Variants in NDUFA5 observed in about 807,000 individuals in gnomAD.
NDUFA5 encodes NADH:ubiquinone oxidoreductase subunit A5.
In NDUFA5, 11 loss-of-function variants were observed where a neutral mutation model predicts 19.8. The observed-to-expected ratio is 0.56, with a 90% CI of 0.35 to 0.92. NDUFA5 has a LOEUF of 0.92. NDUFA5 is among the 40% of genes least tolerant of loss of function. The pLI, the probability that NDUFA5 is intolerant of heterozygous loss-of-function variation, is 0.01. For missense variants in NDUFA5, 109 were observed against 134.2 expected (o/e 0.81, Z 0.93); for synonymous variants, 47 against 46.8 (o/e 1.00, Z -0.01).
chr7:123,544,764 T>TAAAAAAAAAAA (rs61556029), intron 4 of NDUFA5, among the ~76,000 whole-genome samples: 4 of 61,818 alleles, frequency 6.5e-5, no homozygotes, highest in South Asian at 6.6e-4. Flanking sequence ...ATGCAAATCT[T>TAAAAAAAAAAA]AAAAAAAAAA....
intron 2 of NDUFA5, among the ~76,000 whole-genome samples, chr7:123,551,878 T>C (rs1798353382): frequency 6.6e-6 from 1 of 152,164 alleles, no homozygotes; most frequent in Non-Finnish European, 1.5e-5. Flanking sequence ...GATCTAAAAT[T>C]CAGGTTTTAA....
At chr7:123,557,951 T>TA (rs1259570713), upstream of NDUFA5, 12 of 1,306,790 alleles carry the variant, frequency 9.2e-6, no homozygotes, top group South Asian at 5.2e-5. Context: ...CCGCCCATCT[T>TA]AAAAGAGAAA....
intron 4 of NDUFA5, among the ~76,000 whole-genome samples, chr7:123,542,959 A>G (rs561147260): frequency 2.0e-5 from 3 of 152,220 alleles, no homozygotes; most frequent in Non-Finnish European, 4.4e-5. Context: ...TATAAGATGA[A>G]TACTATTAAA....
chr7:123,599,033 T>C, the NDUFA5 span: 1 of 152,232 alleles, frequency 6.6e-6, no homozygotes, highest in African/African-American at 2.4e-5. Flanking sequence ...TATGTTTTTA[T>C]ATTCTTTTCT....
In NDUFA5 at chr7:123,557,468, G is replaced by C; in HGVS notation, c.22-20C>G. On this transcript the variant is annotated intron_variant, in intron 1 of 4. Transcript: ENST00000355749. ...AGTGGTCTGTTCAAAAACAAAACACGATTCATGCTGTTTACTACGGTTTCC... is the reference window on the plus strand; with the variant it reads ...AGTGGTCTGTTCAAAAACAAAACACCATTCATGCTGTTTACTACGGTTTCC... The C allele has an allele frequency of 6.2e-7, 1 of 1,612,566 alleles. No homozygotes were observed. Among genetic ancestry groups the C allele is most frequent in the Non-Finnish European group, 8.5e-7 (1 of 1,179,204 alleles).
chr7:123,548,502 A>G (rs565800333), intron 3 of NDUFA5, among the ~76,000 whole-genome samples: 1 of 152,340 alleles, frequency 6.6e-6, no homozygotes, highest in Admixed American at 6.5e-5. Context: ...AAGAAAAAGT[A>G]AGAACTACCA....
At chr7:123,549,458 G>C (rs981428897) in intron 3 of NDUFA5, among the ~76,000 whole-genome samples, 2 of 152,110 alleles carry the variant, frequency 1.3e-5, no homozygotes, top group Non-Finnish European at 2.9e-5. Flanking sequence ...AAAAACATTT[G>C]AGGCTATTTG....
At chr7:123,572,050 A>C in the NDUFA5 span, among the ~76,000 whole-genome samples, 1,692 of 151,606 alleles carry the variant, frequency 0.011, 36 homozygotes, top group African/African-American at 0.038. Flanking sequence ...GGTTTCCCAA[A>C]GCACTGGGTT....
chr7:123,595,755 C>G, the NDUFA5 span, among the ~76,000 whole-genome samples: 1 of 152,142 alleles, frequency 6.6e-6, no homozygotes, highest in Admixed American at 6.5e-5. Context: ...TTTGTAAATG[C>G]TCTTTAGCTA....
chr7:123,588,643 G>T, the NDUFA5 span, among the ~76,000 whole-genome samples: 1 of 137,528 alleles, frequency 7.3e-6, no homozygotes, highest in Admixed American at 7.4e-5. Context: ...TCTTTTTCTA[G>T]TTGTTTGAGG....
At chr7:123,563,165 T>G in the NDUFA5 span, among the ~76,000 whole-genome samples, 8 of 152,186 alleles carry the variant, frequency 5.3e-5, no homozygotes, top group African/African-American at 1.9e-4. Context: ...CAAGAACTTT[T>G]TCTTTGTATT....
At chr7:123,557,732 C>A (rs1407135398) in intron 1 of NDUFA5, 43 bp downstream of exon 1, 6 of 1,613,934 alleles carry the variant, frequency 3.7e-6, no homozygotes, top group Non-Finnish European at 5.1e-6. Flanking sequence ...ACTGAGTCTA[C>A]CCCCACAGTC....
At chr7:123,595,425 T>TTATTCTTTGTGAAAGTTC in the NDUFA5 span, among the ~76,000 whole-genome samples, 1 of 152,200 alleles carries the variant, frequency 6.6e-6, no homozygotes, top group Non-Finnish European at 1.5e-5. Flanking sequence ...CTGTGTCGGG[T>TTATTCTTTGTGAAAGTTC]TATTCTTTGT....
intron 2 of NDUFA5, among the ~76,000 whole-genome samples, chr7:123,551,119 T>C (rs1798320917): frequency 6.6e-6 from 1 of 151,996 alleles, no homozygotes; most frequent in Admixed American, 6.6e-5. Flanking sequence ...GGTTTTGCCA[T>C]GTTGGCCAGA....
At chr7:123,590,733 G>A in the NDUFA5 span, among the ~76,000 whole-genome samples, 1,342 of 152,272 alleles carry the variant, frequency 8.8e-3, 18 homozygotes, top group African/African-American at 0.031. Flanking sequence ...CAGGTAGCGT[G>A]ATGCCTCCAA....
chr7:123,545,794 A>T, intron 3 of NDUFA5, 118 bp from the exon 4 acceptor site: 5 of 632,200 alleles, frequency 7.9e-6, no homozygotes, highest in Admixed American at 3.3e-5. Context: ...CTTTCATCAT[A>T]CTCTTTTTAC....
chr7:123,570,544 T>C, the NDUFA5 span, among the ~76,000 whole-genome samples: 1 of 152,148 alleles, frequency 6.6e-6, no homozygotes, highest in African/African-American at 2.4e-5. Flanking sequence ...CCAAACACAC[T>C]AAGAAACTGG....
At chr7:123,556,761 G>A in intron 2 of NDUFA5, 1 of 456,542 alleles carries the variant, frequency 2.2e-6, no homozygotes, top group African/African-American at 2.0e-5. Flanking sequence ...GGTCAATGAA[G>A]GTGAGAAATA....
chr7:123,568,235 G>T, the NDUFA5 span, among the ~76,000 whole-genome samples: 3 of 152,166 alleles, frequency 2.0e-5, no homozygotes, highest in South Asian at 2.1e-4. Flanking sequence ...AAAACTGGCT[G>T]GGCGCGGTGG....
Sources: allele counts gnomAD v4.1 joint callset (sites outside exome capture counted in the v4.1 genomes callset), GRCh38; gene constraint gnomAD v4.1.1; transcripts MANE v1.5; gene names NCBI Gene and HGNC (gene_info 2026-07-23, HGNC 2026-07-21).